UNC13A: variants seen among roughly 807,000 people sequenced by gnomAD.
The protein encoded by UNC13A is protein unc-13 homolog A.
A neutral mutation model predicts 219.7 loss-of-function variants in UNC13A; 61 were observed. The ratio of observed to expected loss-of-function variants is 0.28; its 90% CI spans 0.23 to 0.34. The LOEUF (loss-of-function observed/expected upper bound fraction) is 0.34, where lower values mean the gene tolerates loss of function less well. Ranked by LOEUF, UNC13A falls within the 10% of genes least tolerant of loss-of-function variation. The probability of loss-of-function intolerance (pLI) is 1.00; values close to 1 mark genes in which losing one functional copy is unlikely to be tolerated. For missense variants in UNC13A, 1,476 were observed against 2,270.3 expected (o/e 0.65, Z 7.11); for synonymous variants, 920 against 884.6 (o/e 1.04, Z -0.71).
chr19:17,687,737 C>T (rs750648712), intron 1 of UNC13A, among the ~76,000 whole-genome samples: 4 of 152,122 alleles, frequency 2.6e-5, no homozygotes, highest in Non-Finnish European at 5.9e-5. Flanking sequence ...AATTTCCAGC[C>T]GGGTCCGCGT....
At chr19:17,606,693 C>T (rs1255104664) in intron 43 of UNC13A, among the ~76,000 whole-genome samples, 1 of 152,112 alleles carries the variant, frequency 6.6e-6, no homozygotes, top group South Asian at 2.1e-4. Context: ...CGCGCCTGTG[C>T]CCTCTGCCGG....
chr19:17,606,179 C>T lies in UNC13A; in HGVS notation c.4987G>A (p.Asp1663Asn), dbSNP rs1171696144. Reference sequence around the variant, plus strand: ...ATTCGCAGCACCGTGAGGCCCGTGTCGTCCATGTGGATGCGGCGGCCGAGC... The same window carrying T: ...ATTCGCAGCACCGTGAGGCCCGTGTTGTCCATGTGGATGCGGCGGCCGAGC... ...LPLGRRIHMD[D>N]TGLTVLRILS... Residue 1663 changes from aspartate to asparagine, a missense_variant, in exon 44 of 44, where the codon GAC becomes AAC. Asp to Asn is a conservative substitution (Grantham distance 23). Coordinates refer to ENST00000519716, the MANE Select transcript of UNC13A (RefSeq NM_001080421.3). 6.4e-7 allele frequency: 1 copy of T among 1,568,300 alleles called. No homozygotes were observed. Among genetic ancestry groups the T allele is most frequent in the South Asian group, 1.2e-5 (1 of 85,556 alleles).
chr19:17,674,701 G>A lies in UNC13A; in HGVS notation c.108C>T (p.Ile36=), dbSNP rs377208330. Residue 36 remains isoleucine (I), a synonymous_variant, in exon 3 of 44, where the codon ATC becomes ATT. Coordinates refer to ENST00000519716, the MANE Select transcript of UNC13A (RefSeq NM_001080421.3). This position sits in a 1 kb window ranked among gnomAD's most constrained non-coding sequence, Gnocchi z 5.0. ...LKVQNVKSTT[I]AVRGSQPSWE... is the part of the protein sequence containing the mutation. ...AGCTGGGCTGGCTGCCCCGCACCGC[G>A]ATGGTCGTGCTCTTGACATTCTGCA... 5.9e-5 allele frequency: 95 copies of A among 1,613,916 alleles called. No homozygotes were observed. The highest frequency in any genetic ancestry group is 3.3e-4 in the Middle Eastern group (2 of 6,062).
intron 33 of UNC13A, 122 bp from the exon 34 acceptor site, chr19:17,626,907 G>C: frequency 3.6e-6 from 5 of 1,378,696 alleles, no homozygotes; most frequent in Non-Finnish European, 4.8e-6. Flanking sequence ...CAAGAATGGA[G>C]AACAGGCCAG....
chr19:17,676,259 A>G, intron 1 of UNC13A: 1 of 672,816 alleles, frequency 1.5e-6, no homozygotes. Flanking sequence ...GAGAGGTAGG[A>G]AAGAGGAGGC....
intron 1 of UNC13A, among the ~76,000 whole-genome samples, chr19:17,686,785 C>A (rs1031665428): frequency 7.6e-6 from 1 of 131,376 alleles, no homozygotes; most frequent in East Asian, 2.6e-4. Flanking sequence ...GGGGAGCGGG[C>A]GGGCGGGGCA....
intron 1 of UNC13A, among the ~76,000 whole-genome samples, chr19:17,677,629 G>C (rs2079925261): frequency 6.6e-6 from 1 of 152,048 alleles, no homozygotes; most frequent in Non-Finnish European, 1.5e-5. Flanking sequence ...GGCCTCCCAA[G>C]GTGCTGGGAT....
chr19:17,631,168 TCCC>T (rs1431784918), intron 28 of UNC13A, among the ~76,000 whole-genome samples: 5 of 11,348 alleles, frequency 4.4e-4, no homozygotes, highest in African/African-American at 7.5e-4. Context: ...CCTCCCTCCC[TCCC>T]TCCCTCCTTT....
chr19:17,612,527 T>C (rs1187464498), intron 41 of UNC13A, among the ~76,000 whole-genome samples: 1 of 152,118 alleles, frequency 6.6e-6, no homozygotes, highest in Non-Finnish European at 1.5e-5. Context: ...CTACTCTCAG[T>C]ATACCAGCCA....
At chr19:17,617,875 T>C in intron 40 of UNC13A, 26 bp from the exon 41 acceptor site, 1 of 1,612,574 alleles carries the variant, frequency 6.2e-7, no homozygotes, top group Non-Finnish European at 8.5e-7. Flanking sequence ...TGGGGAGAGG[T>C]GAGGATGGTG....
intron 38 of UNC13A, 48 bp downstream of exon 38, chr19:17,620,645 G>C (rs1386268322): frequency 8.2e-6 from 13 of 1,579,950 alleles, no homozygotes; most frequent in South Asian, 2.3e-5. Context: ...GGGTGGGGTG[G>C]GGGGGAGTGG....
chr19:17,661,957 G>C (rs1410720300), intron 8 of UNC13A, among the ~76,000 whole-genome samples: 1 of 151,922 alleles, frequency 6.6e-6, no homozygotes, highest in Non-Finnish European at 1.5e-5. Flanking sequence ...GATTCTCATA[G>C]AAGGCCGGGC....
intron 31 of UNC13A, chr19:17,628,393 T>A: frequency 5.3e-6 from 1 of 188,834 alleles, no homozygotes; most frequent in Non-Finnish European, 1.1e-5. Flanking sequence ...GACACAGCCA[T>A]AGACACACAC....
chr19:17,666,518 C>T, intron 7 of UNC13A, 132 bp downstream of exon 7: 1 of 609,094 alleles, frequency 1.6e-6, no homozygotes, highest in Non-Finnish European at 2.5e-6. Context: ...ATTTCTAATA[C>T]ACTGTAAGTG....
chr19:17,606,346 C>T lies in UNC13A; in HGVS notation c.4820G>A (p.Ser1607Asn). ...ATAGCACTCGGGACCCGCGTCGGCG[C>T]TCAGCGTGCTGCGTGGGGAGGGGCG... ...KYNESFQFTL[S>N]ADAGPECYEL... The change falls in exon 44 of 44, where the codon AGC becomes AAC. Residue 1607 changes from serine (S) to asparagine (N), a missense_variant. Ser to Asn is a conservative substitution (Grantham distance 46, BLOSUM62 1). Around this residue, in one of 14 missense-constraint regions of UNC13A, gnomAD observed 187 missense variants for 172.3 expected, o/e 1.09. Transcript: ENST00000519716. 1 of 1,544,902 alleles carries T rather than the reference C, an allele frequency of 6.5e-7. No individual in the cohort carries two copies.
chr19:17,666,739 CA>C, intron 6 of UNC13A, 35 bp from the exon 7 acceptor site: 1 of 1,470,406 alleles, frequency 6.8e-7, no homozygotes, highest in Non-Finnish European at 9.0e-7. Flanking sequence ...GGGCTTCTCT[CA>C]GAGGGGCCAA....
chr19:17,619,110 A>G (rs1030913574), intron 38 of UNC13A, 148 bp from the exon 39 acceptor site: 2 of 715,586 alleles, frequency 2.8e-6, no homozygotes, highest in Non-Finnish European at 4.8e-6. Context: ...CCCAGGAAGA[A>G]CTGAGGAGGA....
chr19:17,609,124 A>ATTTT (rs71162159), intron 43 of UNC13A, among the ~76,000 whole-genome samples: 4,038 of 128,268 alleles, frequency 0.031, 97 homozygotes, highest in African/African-American at 0.07. Context: ...CACCCGGCTA[A>ATTTT]TTTTTTTTTT....
chr19:17,631,076 CTT>C (rs1568512888), intron 28 of UNC13A, among the ~76,000 whole-genome samples: 417 of 59,552 alleles, frequency 7.0e-3, no homozygotes, highest in African/African-American at 0.037. Flanking sequence ...TCCCTCCCTC[CTT>C]CCTTCCTTCC....
Sources: gnomAD v4.1 joint callset for allele counts (sites outside exome capture counted in the v4.1 genomes callset) on GRCh38, gnomAD v4.1.1 for gene constraint, gnomAD v4.1.1 regional missense constraint, Gnocchi (gnomAD v3.1) non-coding constraint, MANE v1.5 for transcripts, NCBI Gene and HGNC (gene_info 2026-07-23, HGNC 2026-07-21) for gene names.